The following CEACAM21 variants were observed in gnomAD, a reference collection of about 807,000 sequenced individuals.
CEACAM21 encodes CEA cell adhesion molecule 21.
Under a neutral mutation model 33.2 loss-of-function variants are expected in CEACAM21, and 38 were observed. The ratio of observed to expected loss-of-function variants is 1.14; its 90% CI spans 0.88 to 1.50. CEACAM21 has a LOEUF of 1.50. Ranked by LOEUF, CEACAM21 falls within the 40% of genes most tolerant of loss-of-function variation. The pLI, the probability that CEACAM21 is intolerant of heterozygous loss-of-function variation, is 0.00. For synonymous variants in CEACAM21, 156 were observed against 143.0 expected (o/e 1.09, Z -0.65); for missense variants, 385 against 364.6 (o/e 1.06, Z -0.46).
At chr19:41,562,878 G>T (rs570612082) in intron 1 of CEACAM21, among the ~76,000 whole-genome samples, 157 of 152,044 alleles carry the variant, frequency 1.0e-3, no homozygotes, top group Non-Finnish European at 1.6e-3. Context: ...ACAGGCGCCC[G>T]CCACCACGCC....
chr19:41,557,610 C>T (rs1250247725), intron 1 of CEACAM21, among the ~76,000 whole-genome samples: 5 of 152,158 alleles, frequency 3.3e-5, no homozygotes, highest in African/African-American at 1.2e-4. Flanking sequence ...TGTCACCCTT[C>T]TAGTCCTGTG....
intron 3 of CEACAM21, among the ~76,000 whole-genome samples, chr19:41,581,964 T>C (rs1457949065): frequency 6.6e-6 from 1 of 152,176 alleles, no homozygotes; most frequent in Non-Finnish European, 1.5e-5. Flanking sequence ...ATTCCAGCAT[T>C]AACCCAAAAG....
intron 2 of CEACAM21, among the ~76,000 whole-genome samples, chr19:41,569,160 A>G (rs1200213102): frequency 1.3e-5 from 2 of 151,896 alleles, no homozygotes; most frequent in African/African-American, 4.8e-5. Flanking sequence ...GGACTATTGC[A>G]TAGCATGGTT....
chr19:41,559,426 GC>G (rs2041735658), intron 1 of CEACAM21, among the ~76,000 whole-genome samples: 1 of 152,090 alleles, frequency 6.6e-6, no homozygotes, highest in Admixed American at 6.5e-5. Context: ...GTACTTGTGG[GC>G]AAATGTAAAC....
At chr19:41,580,914 G>T (rs2043327893) in intron 3 of CEACAM21, among the ~76,000 whole-genome samples, 1 of 152,246 alleles carries the variant, frequency 6.6e-6, no homozygotes, top group Non-Finnish European at 1.5e-5. Flanking sequence ...TCAGTGACCA[G>T]CCTCATTCTG....
In CEACAM21 at chr19:41,551,101, T is replaced by A. The variant is rs367755313; in HGVS notation, c.-779+1549T>A. ...CCTGAGAAAGACAAGTGTCTTTTGA[T>A]AAATAAAATATTGTTAAATGCAATG... is the stretch of plus-strand genomic sequence containing the variant. On this transcript the variant is annotated intron_variant, in intron 1 of 7. Coordinates refer to the CEACAM21 transcript ENST00000407170. The A allele has an allele frequency of 1.3e-4, 20 of 152,074 alleles. No individual in the cohort carries two copies. The South Asian group carries it at 1.9e-3, about 14-fold the overall frequency. 9.4% of individuals were successfully genotyped at this position (152,074 alleles called of 1,614,324 possible).
chr19:41,564,338 ATTTATTTATTTATTT>A (rs2042110106), intron 1 of CEACAM21, among the ~76,000 whole-genome samples: 2 of 84,480 alleles, frequency 2.4e-5, no homozygotes, highest in Non-Finnish European at 5.0e-5. Flanking sequence ...TTTATTATTT[ATTTATTTATTTATTT>A]ATTTATTTAT....
upstream of CEACAM21, among the ~76,000 whole-genome samples, chr19:41,572,795 A>G (rs1378480654): frequency 6.6e-6 from 1 of 152,088 alleles, no homozygotes; most frequent in East Asian, 1.9e-4. Context: ...ATTCCCACAC[A>G]TGGCAAGCAC....
At chr19:41,581,085 G>C (rs949947528) in intron 3 of CEACAM21, among the ~76,000 whole-genome samples, 1 of 152,212 alleles carries the variant, frequency 6.6e-6, no homozygotes, top group Non-Finnish European at 1.5e-5. Context: ...CCCAAAACTG[G>C]TCATAAACAA....
At chr19:41,577,116 G>A in intron 1 of CEACAM21, 84 bp from the exon 2 acceptor site, 1 of 1,502,024 alleles carries the variant, frequency 6.7e-7, no homozygotes, top group South Asian at 1.2e-5. Flanking sequence ...AAGGCTGAGG[G>A]GTGAAGAGAC....
rs200535080 is a variant in CEACAM21, at chr19:41,577,274, G to T, written c.139G>T (p.Glu47Ter). Residue 47 changes from glutamate (E) to a stop codon, truncating the protein, a stop_gained, in exon 2 of 7, where the codon GAA becomes TAA. Coordinates refer to ENST00000401445, the MANE Select transcript of CEACAM21 (RefSeq NM_001098506.4). LOFTEE classifies it high-confidence loss of function. Reference sequence around the variant, plus strand: ...TGCATCAGCGCCCTTTGAAGTTGCTGAAGGGGAGAATGTTCATCTCTCTGT... The same window carrying T: ...TGCATCAGCGCCCTTTGAAGTTGCTTAAGGGGAGAATGTTCATCTCTCTGT... ...FIASAPFEVAEGENVHLSVVY... is the reference protein window; with the variant it reads ...FIASAPFEVA The T allele has an allele frequency of 1.2e-4, 200 of 1,614,052 alleles. 2 individuals are homozygous for T. In the Admixed American group the frequency reaches 3.3e-3, roughly 26 times the overall value.
upstream of CEACAM21, among the ~76,000 whole-genome samples, chr19:41,575,917 G>A (rs2042907584): frequency 6.6e-6 from 1 of 152,198 alleles, no homozygotes; most frequent in South Asian, 2.1e-4. Context: ...TAATCTACCG[G>A]CTGTGACAGA....
At chr19:41,555,286 C>T (rs1043943128) in intron 1 of CEACAM21, 2 of 146,370 alleles carry the variant, frequency 1.4e-5, no homozygotes, top group Admixed American at 6.8e-5. Flanking sequence ...CTTTTTCTTA[C>T]TAGTGCTTGG....
intron 1 of CEACAM21, among the ~76,000 whole-genome samples, chr19:41,557,507 A>T (rs1211440134): frequency 1.3e-5 from 2 of 152,126 alleles, no homozygotes; most frequent in Non-Finnish European, 2.9e-5. Context: ...TCAGCATGTG[A>T]GGACCAGAGC....
At chr19:41,571,060 A>G (rs1018246801) in intron 2 of CEACAM21, among the ~76,000 whole-genome samples, 3 of 152,114 alleles carry the variant, frequency 2.0e-5, no homozygotes, top group African/African-American at 4.8e-5. Context: ...TGTGAACTGC[A>G]GGGTGTTCAG....
chr19:41,553,265 C>T (rs192715646), intron 1 of CEACAM21, among the ~76,000 whole-genome samples: 2 of 151,908 alleles, frequency 1.3e-5, no homozygotes, highest in African/African-American at 4.8e-5. Flanking sequence ...CCATCATGCC[C>T]GGCTCATTTT....
intron 1 of CEACAM21, among the ~76,000 whole-genome samples, chr19:41,563,613 A>T (rs1394457708): frequency 6.6e-6 from 1 of 152,232 alleles, no homozygotes; most frequent in African/African-American, 2.4e-5. Context: ...CAAGGACGGA[A>T]AATTCCGCGT....
At chr19:41,569,762 A>T (rs1326501288) in intron 2 of CEACAM21, among the ~76,000 whole-genome samples, 3 of 152,168 alleles carry the variant, frequency 2.0e-5, no homozygotes, top group Non-Finnish European at 4.4e-5. Flanking sequence ...GTGACATCCC[A>T]GGGGAATCTA....
At chr19:41,561,651 T>A (rs1400572697) in intron 1 of CEACAM21, among the ~76,000 whole-genome samples, 1 of 152,246 alleles carries the variant, frequency 6.6e-6, no homozygotes, top group East Asian at 1.9e-4. Flanking sequence ...AATTGCCTAC[T>A]GCACATCAAG....
Sources: allele counts gnomAD v4.1 joint callset (sites outside exome capture counted in the v4.1 genomes callset), GRCh38; gene constraint gnomAD v4.1.1; transcripts MANE v1.5; gene names NCBI Gene and HGNC (gene_info 2026-07-23, HGNC 2026-07-21).